Variants in CDKAL1 observed in about 807,000 individuals in gnomAD.
CDKAL1 encodes CDKAL1 threonylcarbamoyladenosine tRNA methylthiotransferase.
CDKAL1 carries 32 observed loss-of-function variants against 68.2 expected under a neutral mutation model. The ratio of observed to expected loss-of-function variants is 0.47; its 90% CI spans 0.35 to 0.63. CDKAL1 has a LOEUF of 0.63. Ranked by LOEUF, CDKAL1 falls within the 30% of genes least tolerant of loss-of-function variation. The pLI is 0.00. For missense variants in CDKAL1, 606 were observed against 696.7 expected, an observed-to-expected ratio of 0.87 and a Z score of 1.47; for synonymous variants, 234 against 244.3, an observed-to-expected ratio of 0.96 and a Z score of 0.39.
At chr6:20,601,674 G>T (rs971783621) in intron 4 of CDKAL1, among the ~76,000 whole-genome samples, 1 of 152,114 alleles carries the variant, frequency 6.6e-6, no homozygotes, top group South Asian at 2.1e-4. Context: ...TTAAAAATCC[G>T]TGTATGATTA....
intron 8 of CDKAL1, among the ~76,000 whole-genome samples, chr6:20,829,574 G>T (rs1406069021): frequency 3.3e-5 from 5 of 152,166 alleles, no homozygotes; most frequent in African/African-American, 9.7e-5. Flanking sequence ...AACAAAATAG[G>T]TAACTCCGGA....
chr6:20,607,572 T>C (rs1766386828), intron 4 of CDKAL1, among the ~76,000 whole-genome samples: 1 of 152,170 alleles, frequency 6.6e-6, no homozygotes, highest in Admixed American at 6.5e-5. Flanking sequence ...CCATTTTTTC[T>C]TGGTGGGGAT....
chr6:20,878,391 C>T (rs373409963), intron 9 of CDKAL1, among the ~76,000 whole-genome samples: 4 of 152,240 alleles, frequency 2.6e-5, no homozygotes, highest in South Asian at 4.1e-4. Context: ...TTCCTACATG[C>T]GGTATTATTG....
chr6:21,196,859 G>A (rs778154148), intron 13 of CDKAL1, among the ~76,000 whole-genome samples: 1 of 151,956 alleles, frequency 6.6e-6, no homozygotes, highest in Non-Finnish European at 1.5e-5. Flanking sequence ...TGACAACCTT[G>A]TAAAAAGAGT....
At chr6:20,647,893 C>A (rs914155075) in intron 4 of CDKAL1, among the ~76,000 whole-genome samples, 3 of 151,542 alleles carry the variant, frequency 2.0e-5, no homozygotes, top group African/African-American at 4.8e-5. Flanking sequence ...TAAGTAGTTT[C>A]CATGCCTTTC....
At chr6:20,753,945 G>T (rs1033531664) in intron 6 of CDKAL1, among the ~76,000 whole-genome samples, 2 of 141,502 alleles carry the variant, frequency 1.4e-5, no homozygotes, top group Non-Finnish European at 3.1e-5. Context: ...ACCAACACTC[G>T]TTATTATCTG....
chr6:21,104,992 G>A (rs1402265603), intron 12 of CDKAL1, among the ~76,000 whole-genome samples: 2 of 152,076 alleles, frequency 1.3e-5, no homozygotes, highest in African/African-American at 4.8e-5. Flanking sequence ...ATACTGATAT[G>A]CTACCTATTT....
intron 8 of CDKAL1, among the ~76,000 whole-genome samples, chr6:20,781,603 T>A (rs1334007366): frequency 6.6e-6 from 1 of 152,242 alleles, no homozygotes; most frequent in Non-Finnish European, 1.5e-5. Flanking sequence ...ATTCGACTGT[T>A]TTTTTCAGTA....
chr6:20,602,333 A>AT (rs1358287368), intron 4 of CDKAL1, among the ~76,000 whole-genome samples: 7 of 152,076 alleles, frequency 4.6e-5, no homozygotes, highest in Non-Finnish European at 7.4e-5. Context: ...GACTACTGGA[A>AT]TTTAAGTTTT....
At chr6:21,017,272 G>A (rs533950937) in intron 11 of CDKAL1, among the ~76,000 whole-genome samples, 11 of 151,662 alleles carry the variant, frequency 7.3e-5, no homozygotes, top group African/African-American at 2.7e-4. Flanking sequence ...TGAATGAAGG[G>A]TTTCTTTTGT....
chr6:21,065,145 A>C lies in CDKAL1; in HGVS notation c.1153A>C (p.Lys385Gln), dbSNP rs766780796. 5.6e-6 allele frequency: 9 copies of C among 1,609,542 alleles called. No individual in the cohort carries two copies. Among genetic ancestry groups the C allele is most frequent in the Non-Finnish European group, 7.6e-6 (9 of 1,178,518 alleles). Residue 385 changes from lysine to glutamine, a missense_variant, in exon 12 of 16, where the codon AAA becomes CAA. Lys to Gln is a moderately conservative substitution (Grantham distance 53). Transcript: ENST00000274695. ...AACAGTGAAACTTGTTGAAGAGTAC[A>C]AATTCCCAAGCCTGTTTATTAACCA... ...QETVKLVEEY[K>Q]FPSLFINQFY...
At position 21,000,216 on chromosome 6, in the gene CDKAL1, A is replaced by AT. The variant is rs760018997; in HGVS notation, c.910-4dup. The AT allele has an allele frequency of 1.6e-5, 25 of 1,606,910 alleles. No homozygotes were observed. The highest frequency in any genetic ancestry group is 9.4e-5 in the African/African-American group (7 of 74,810). ...AAAATGATTAGTGTTTTCTCCTTCC[A>AT]TTTTTTTAAGGAAATGGCAAAAATC... On this transcript the variant is annotated splice_polypyrimidine_tract_variant and intron_variant, in intron 10 of 15. Coordinates refer to ENST00000274695, the MANE Select transcript of CDKAL1 (RefSeq NM_017774.3).
intron 4 of CDKAL1, among the ~76,000 whole-genome samples, chr6:20,626,211 G>GA (rs1767426717): frequency 6.6e-6 from 1 of 152,014 alleles, no homozygotes; most frequent in Non-Finnish European, 1.5e-5. Flanking sequence ...GTTATATGCA[G>GA]AACTTACCTT....
chr6:21,000,005 G>A (rs868143850), intron 10 of CDKAL1, among the ~76,000 whole-genome samples: 4 of 152,148 alleles, frequency 2.6e-5, no homozygotes, highest in Non-Finnish European at 5.9e-5. Context: ...GAGAAACAGC[G>A]AGCATGAGGA....
chr6:20,962,321 C>T (rs1042480272), intron 10 of CDKAL1, among the ~76,000 whole-genome samples: 1 of 152,098 alleles, frequency 6.6e-6, no homozygotes, highest in African/African-American at 2.4e-5. Flanking sequence ...TTTTAAATAT[C>T]TCTTCTGTTT....
At chr6:20,759,898 T>A (rs1168546643) in intron 7 of CDKAL1, among the ~76,000 whole-genome samples, 1 of 152,184 alleles carries the variant, frequency 6.6e-6, no homozygotes. Context: ...AGTACTGTTT[T>A]GTTGTAAATG....
At chr6:20,703,531 A>T (rs534072705) in intron 5 of CDKAL1, among the ~76,000 whole-genome samples, 6 of 152,190 alleles carry the variant, frequency 3.9e-5, no homozygotes, top group East Asian at 3.9e-4. Context: ...TCATTTAAAA[A>T]ATATATATAT....
chr6:20,956,981 C>T (rs1052776143), intron 10 of CDKAL1, among the ~76,000 whole-genome samples: 1 of 120,834 alleles, frequency 8.3e-6, no homozygotes, highest in South Asian at 2.7e-4. Context: ...TTTGACTCAA[C>T]ACTTGATAAA....
At chr6:20,641,847 CAT>C (rs1044015194) in intron 4 of CDKAL1, among the ~76,000 whole-genome samples, 2 of 150,606 alleles carry the variant, frequency 1.3e-5, no homozygotes, top group Non-Finnish European at 3.0e-5. Flanking sequence ...TGTGTGTACA[CAT>C]GTGTATGGGT....
Sources: allele counts gnomAD v4.1 joint callset (sites outside exome capture counted in the v4.1 genomes callset), GRCh38; gene constraint gnomAD v4.1.1; transcripts MANE v1.5; gene names NCBI Gene and HGNC (gene_info 2026-07-23, HGNC 2026-07-21).